GABRB2: variants seen among roughly 807,000 people sequenced by gnomAD.
The protein encoded by GABRB2 is gamma-aminobutyric acid type A receptor subunit beta2.
A neutral mutation model predicts 54.7 loss-of-function variants in GABRB2; 16 were observed. That is an observed-to-expected ratio of 0.29 (90% confidence interval 0.20 to 0.44). The LOEUF is 0.44. Among genes scored for constraint, GABRB2 ranks in the 20% least tolerant of loss-of-function variants. The pLI, the probability that GABRB2 is intolerant of heterozygous loss-of-function variation, is 1.00. For synonymous variants in GABRB2, 244 were observed against 233.8 expected, an observed-to-expected ratio of 1.04 and a Z score of -0.40; for missense variants, 355 against 644.0, an observed-to-expected ratio of 0.55 and a Z score of 4.86.
intron 4 of GABRB2, among the ~76,000 whole-genome samples, chr5:161,427,737 T>A (rs1757044669): frequency 6.6e-6 from 1 of 152,224 alleles, no homozygotes; most frequent in Non-Finnish European, 1.5e-5. Context: ...GCATGTTTAA[T>A]GACAACAAGG....
intron 3 of GABRB2, among the ~76,000 whole-genome samples, chr5:161,536,596 A>C (rs1251058139): frequency 6.6e-6 from 1 of 151,988 alleles, no homozygotes; most frequent in African/African-American, 2.4e-5. Flanking sequence ...CTTTCTAAAG[A>C]TTGTTTCTCC....
chr5:161,424,096 G>T (rs187919914), intron 4 of GABRB2, among the ~76,000 whole-genome samples: 1 of 152,260 alleles, frequency 6.6e-6, no homozygotes, highest in African/African-American at 2.4e-5. Flanking sequence ...GCTAGCAGAG[G>T]TTGGTTCATG....
chr5:161,509,219 TATG>T (rs1759693164), intron 3 of GABRB2, among the ~76,000 whole-genome samples: 1 of 152,024 alleles, frequency 6.6e-6, no homozygotes, highest in East Asian at 1.9e-4. Context: ...ATATATTAAA[TATG>T]ATTAGCTGAG....
intron 5 of GABRB2, among the ~76,000 whole-genome samples, chr5:161,339,238 T>C (rs1433447217): frequency 6.6e-6 from 1 of 152,166 alleles, no homozygotes; most frequent in Admixed American, 6.6e-5. Flanking sequence ...ATGGTAATCA[T>C]TTCCCATGAA....
intron 9 of GABRB2, among the ~76,000 whole-genome samples, chr5:161,296,246 G>A (rs541475332): frequency 6.6e-6 from 1 of 152,296 alleles, no homozygotes; most frequent in African/African-American, 2.4e-5. Context: ...ATCCTTTACT[G>A]TTATTTCAAC....
chr5:161,371,153 G>C (rs1755119765), intron 5 of GABRB2, among the ~76,000 whole-genome samples: 2 of 152,078 alleles, frequency 1.3e-5, no homozygotes, highest in African/African-American at 4.8e-5. Flanking sequence ...GAATATAACA[G>C]GGTGGATTAC....
intron 3 of GABRB2, among the ~76,000 whole-genome samples, chr5:161,542,610 A>G (rs1003367037): frequency 1.3e-5 from 2 of 152,202 alleles, no homozygotes; most frequent in Non-Finnish European, 2.9e-5. Flanking sequence ...TCACACTGAC[A>G]TGGACATTTA....
intron 5 of GABRB2, among the ~76,000 whole-genome samples, chr5:161,366,661 C>G (rs2113460812): frequency 6.6e-6 from 1 of 152,036 alleles, no homozygotes; most frequent in Non-Finnish European, 1.5e-5. Flanking sequence ...AAAGTAAGAA[C>G]AAGGCCAGGC....
intron 3 of GABRB2, among the ~76,000 whole-genome samples, chr5:161,498,979 C>T (rs1759342313): frequency 6.6e-6 from 1 of 152,148 alleles, no homozygotes; most frequent in Non-Finnish European, 1.5e-5. Flanking sequence ...CCCCCACGTC[C>T]TCACGTCCTC....
In GABRB2 at chr5:161,479,199, A is replaced by T. The variant is rs181477334; in HGVS notation, c.238-19355T>A. On this transcript the variant is annotated intron_variant, in intron 3 of 9. Transcript: ENST00000393959. ...ATGTTTTTTAAAAAATTGACACCAA[A>T]GTGTCTTTGGGCACAAAGTTTTATC... 2.0e-5 allele frequency among the ~76,000 whole-genome samples: 3 copies of T among 152,166 alleles called. No homozygotes were observed. The East Asian group carries it at 5.8e-4, about 30-fold the overall frequency.
intron 3 of GABRB2, among the ~76,000 whole-genome samples, chr5:161,487,977 A>G (rs1405711152): frequency 3.3e-5 from 5 of 151,888 alleles, no homozygotes; most frequent in Non-Finnish European, 5.9e-5. Context: ...CTTAAGAACT[A>G]CAAGAGAACA....
intron 3 of GABRB2, among the ~76,000 whole-genome samples, chr5:161,528,092 T>A (rs2113447743): frequency 6.6e-6 from 1 of 151,904 alleles, no homozygotes. Context: ...ACAAGTATGC[T>A]GCATTCACAC....
intron 3 of GABRB2, among the ~76,000 whole-genome samples, chr5:161,517,945 C>T (rs905136563): frequency 3.3e-5 from 5 of 149,792 alleles, no homozygotes; most frequent in African/African-American, 7.6e-5. Flanking sequence ...TACAGGCGCC[C>T]GCCACCACAC....
rs181253951 is a variant in GABRB2, at chr5:161,317,220, T to C, written c.1191+9148A>G. ...TCAATATGAGTACAGTGTATGTTAT[T>C]TGGGTGATGGATAACCCAAAAGCCC... On this transcript the variant is annotated intron_variant, in intron 9 of 9. Coordinates refer to ENST00000393959, the MANE Select transcript of GABRB2 (RefSeq NM_001371727.1). Among the ~76,000 whole-genome samples the C allele has an allele frequency of 9.3e-4, 141 of 152,332 alleles. 1 individual carries two copies. Among genetic ancestry groups the C allele is most frequent in the African/African-American group, 3.2e-3 (135 of 41,578 alleles).
chr5:161,542,061 G>A (rs537359490), intron 3 of GABRB2, among the ~76,000 whole-genome samples: 2 of 152,234 alleles, frequency 1.3e-5, no homozygotes, highest in South Asian at 2.1e-4. Context: ...CTCACAGAGA[G>A]GGAGACGGAC....
At chr5:161,398,948 A>G (rs1028360505) in intron 5 of GABRB2, among the ~76,000 whole-genome samples, 2 of 151,804 alleles carry the variant, frequency 1.3e-5, no homozygotes, top group African/African-American at 4.8e-5. Flanking sequence ...CCAATTTCCA[A>G]CTCAAAGTTA....
intron 3 of GABRB2, among the ~76,000 whole-genome samples, chr5:161,460,617 C>T (rs1364091236): frequency 6.6e-6 from 1 of 152,020 alleles, no homozygotes; most frequent in Non-Finnish European, 1.5e-5. Flanking sequence ...TTAACTAGCA[C>T]ATCCAAACCT....
chr5:161,374,447 T>C (rs1237097796), intron 5 of GABRB2, among the ~76,000 whole-genome samples: 1 of 152,212 alleles, frequency 6.6e-6, no homozygotes, highest in Non-Finnish European at 1.5e-5. Flanking sequence ...TCTCTCAAGC[T>C]GTTCATTGAA....
Position 161,523,749 on chromosome 5 carries a change from G to A in GABRB2, c.237+21478C>T, listed in dbSNP as rs539685168. On this transcript the variant is annotated intron_variant, in intron 3 of 9. Transcript: ENST00000393959. ...TAAGAACTACACTTTGAAGAGTTCTGAATATTCTATTGTCACCTCCATTGC... is the reference window on the plus strand; with the variant it reads ...TAAGAACTACACTTTGAAGAGTTCTAAATATTCTATTGTCACCTCCATTGC... Among the ~76,000 whole-genome samples, 3 of 151,186 alleles carry A rather than the reference G, an allele frequency of 2.0e-5. No individual in the cohort carries two copies. The South Asian group carries it at 6.2e-4, about 31-fold the overall frequency.
Sources: gnomAD v4.1 joint callset for allele counts (sites outside exome capture counted in the v4.1 genomes callset) on GRCh38, gnomAD v4.1.1 for gene constraint, MANE v1.5 for transcripts, NCBI Gene and HGNC (gene_info 2026-07-23, HGNC 2026-07-21) for gene names.